AEBP2: variants seen among roughly 807,000 people sequenced by gnomAD.
AEBP2 encodes the protein zinc finger protein AEBP2.
A neutral mutation model predicts 50.8 loss-of-function variants in AEBP2; 10 were observed. The ratio of observed to expected loss-of-function variants is 0.20; its 90% CI spans 0.12 to 0.33. The LOEUF (loss-of-function observed/expected upper bound fraction) is 0.33, where lower values mean the gene tolerates loss of function less well. Among genes scored for constraint, AEBP2 ranks in the 10% least tolerant of loss-of-function variants. The pLI is 1.00. For missense variants in AEBP2, 570 were observed against 688.0 expected (o/e 0.83, Z 1.92); for synonymous variants, 296 against 261.3 (o/e 1.13, Z -1.28).
chr12:19,423,204 A>G (rs956684531), intron 1 of AEBP2, among the ~76,000 whole-genome samples: 41 of 152,086 alleles, frequency 2.7e-4, no homozygotes, highest in African/African-American at 9.4e-4. Flanking sequence ...TAGACACTCA[A>G]TATATGGTGA....
At chr12:19,430,062 C>T (rs1189380689) in intron 1 of AEBP2, among the ~76,000 whole-genome samples, 1 of 152,038 alleles carries the variant, frequency 6.6e-6, no homozygotes, top group East Asian at 1.9e-4. Context: ...ATGCCTATGT[C>T]CTGAATGGTA....
upstream of AEBP2, among the ~76,000 whole-genome samples, chr12:19,436,591 T>TTC (rs1303576396): frequency 6.7e-6 from 1 of 149,770 alleles, no homozygotes; most frequent in Non-Finnish European, 1.5e-5. Context: ...TTTTTTCTTT[T>TTC]TTTTTTGGGG....
chr12:19,499,750 T>C (rs998936575), intron 4 of AEBP2, among the ~76,000 whole-genome samples: 3 of 152,124 alleles, frequency 2.0e-5, no homozygotes, highest in Non-Finnish European at 4.4e-5. Flanking sequence ...AATCCTGATA[T>C]ATAGATGGTG....
intron 2 of AEBP2, among the ~76,000 whole-genome samples, chr12:19,468,621 A>G (rs879133917): frequency 6.6e-6 from 1 of 152,202 alleles, no homozygotes. Context: ...AGCCATTTTA[A>G]GTATAGGCCA....
At chr12:19,493,755 C>A in intron 3 of AEBP2, 45 bp from the exon 4 acceptor site, 1 of 1,571,854 alleles carries the variant, frequency 6.4e-7, no homozygotes, top group South Asian at 1.1e-5. Flanking sequence ...CTTCTCGTGC[C>A]CTACACAGCA....
chr12:19,459,567 A>T (rs77376208), intron 1 of AEBP2, among the ~76,000 whole-genome samples: 3,275 of 152,284 alleles, frequency 0.022, 42 homozygotes, highest in East Asian at 0.043. Context: ...TAAATAAAAT[A>T]TGTATTTCGG....
chr12:19,472,418 A>G (rs891786951), intron 2 of AEBP2, among the ~76,000 whole-genome samples: 4 of 152,266 alleles, frequency 2.6e-5, no homozygotes, highest in Non-Finnish European at 4.4e-5. Flanking sequence ...TCAGTTAGGA[A>G]ATTGACATGT....
intron 3 of AEBP2, among the ~76,000 whole-genome samples, chr12:19,481,892 G>A (rs1948735852): frequency 6.6e-6 from 1 of 152,148 alleles, no homozygotes; most frequent in Non-Finnish European, 1.5e-5. Flanking sequence ...CTGTATTGTT[G>A]TCTTTAATTT....
At position 19,519,951 on chromosome 12, in the gene AEBP2, A is replaced by G. The variant is rs1949374661; in HGVS notation, c.*1834A>G. ...TATAGCAATGTGATTTTATTTTTAA[A>G]AAGAAAAGCAGTGTGTTTTCTTTTT... On this transcript the variant is annotated 3_prime_UTR_variant, in exon 8 of 8. Transcript: ENST00000266508. 1 of 152,528 alleles carries G rather than the reference A, an allele frequency of 6.6e-6. No homozygotes were observed. The highest frequency in any genetic ancestry group is 1.5e-5 in the Non-Finnish European group (1 of 67,964). The allele number at this position is 152,528 out of a possible 1,614,324, so 9.4% of individuals were successfully genotyped here. A position where few individuals can be genotyped will look rare whatever the true frequency, so the allele number is the denominator to read the frequency against.
In AEBP2 at chr12:19,481,092, C is replaced by CTTTTTTTTTTTTTTTTTTTTT. The variant is rs71067027; in HGVS notation, c.987+7743_987+7763dup. Reference sequence around the variant, plus strand: ...TGTTATTGAAACTTTGCAGTGCATCCTTTTTTTTTTTTTTTTTTTTTTTTT... The same window carrying CTTTTTTTTTTTTTTTTTTTTT: ...TGTTATTGAAACTTTGCAGTGCATCCTTTTTTTTTTTTTTTTTTTTTTTTTTTTTTTTTTTTTTTTTTTTTT... On this transcript the variant is annotated intron_variant, in intron 3 of 7. Coordinates refer to ENST00000266508, the MANE Select transcript of AEBP2 (RefSeq NM_153207.5). Among the ~76,000 whole-genome samples, 8 of 74,054 alleles carry CTTTTTTTTTTTTTTTTTTTTT rather than the reference C, an allele frequency of 1.1e-4. 2 individuals are homozygous for CTTTTTTTTTTTTTTTTTTTTT. The highest frequency in any genetic ancestry group is 2.3e-4 in the African/African-American group (4 of 17,580). The allele number at this position is 74,054 out of a possible 152,430, so 48.6% of individuals were successfully genotyped here.
At chr12:19,413,990 T>A (rs1209508179) in intron 1 of AEBP2, among the ~76,000 whole-genome samples, 1 of 151,866 alleles carries the variant, frequency 6.6e-6, no homozygotes. Flanking sequence ...GCTGCCTAGG[T>A]CCAAGCGATT....
Position 19,514,716 on chromosome 12 carries a change from A to G in AEBP2, c.1413A>G (p.Lys471=). 6.2e-7 allele frequency: 1 copy of G among 1,611,670 alleles called. No individual in the cohort carries two copies. Among genetic ancestry groups the G allele is most frequent in the Non-Finnish European group, 8.5e-7 (1 of 1,179,002 alleles). ...WVNESERHQL[K]TKVVHLSKLP... ...ATGAAAGTGAACGACATCAGTTAAAAACTAAAGTAGTTCATTTATCAAAGC... is the reference window on the plus strand; with the variant it reads ...ATGAAAGTGAACGACATCAGTTAAAGACTAAAGTAGTTCATTTATCAAAGC... The change falls in exon 7 of 8, where the codon AAA becomes AAG. Residue 471 remains lysine (K), a synonymous_variant. Coordinates refer to ENST00000266508, the MANE Select transcript of AEBP2 (RefSeq NM_153207.5).
intron 1 of AEBP2, among the ~76,000 whole-genome samples, chr12:19,453,483 G>T (rs1305561551): frequency 6.6e-6 from 1 of 150,524 alleles, no homozygotes; most frequent in African/African-American, 2.4e-5. Flanking sequence ...GCAGTGGCTC[G>T]ATTGAGCTCA....
intron 5 of AEBP2, among the ~76,000 whole-genome samples, chr12:19,505,871 G>T (rs1949149938): frequency 6.6e-6 from 1 of 152,108 alleles, no homozygotes; most frequent in Admixed American, 6.6e-5. Flanking sequence ...AAACTCCTGG[G>T]CTCAAGCAGT....
chr12:19,522,169 T>G lies in AEBP2; in HGVS notation c.*4052T>G, dbSNP rs989160081. ...TATGTATTCATAAAAGGGAAGAAAT[T>G]GTTAGAAAATTTCCTGTGTACGTAG... On this transcript the variant is annotated 3_prime_UTR_variant, in exon 8 of 8. Transcript: ENST00000266508. The G allele has an allele frequency of 5.3e-5, 8 of 152,110 alleles. No homozygotes were observed. Among genetic ancestry groups the G allele is most frequent in the Non-Finnish European group, 7.4e-5 (5 of 68,008 alleles). The allele number at this position is 152,110 out of a possible 1,614,324, so 9.4% of individuals were successfully genotyped here. A position where few individuals can be genotyped will look rare whatever the true frequency, so the allele number is the denominator to read the frequency against.
intron 4 of AEBP2, among the ~76,000 whole-genome samples, chr12:19,499,131 A>G (rs754922026): frequency 2.6e-5 from 4 of 152,256 alleles, no homozygotes; most frequent in East Asian, 1.9e-4. Context: ...AATTGTTACA[A>G]TAATTTACAT....
Position 19,518,789 on chromosome 12 carries a change from G to A in AEBP2, c.*672G>A. 7.3e-7 allele frequency: 1 copy of A among 1,364,314 alleles called. No individual in the cohort carries two copies. Among genetic ancestry groups the A allele is most frequent in the Non-Finnish European group, 9.9e-7 (1 of 1,007,676 alleles). The allele number at this position is 1,364,314 out of a possible 1,614,324, so 84.5% of individuals were successfully genotyped here. On this transcript the variant is annotated 3_prime_UTR_variant, in exon 8 of 8. Coordinates refer to ENST00000266508, the MANE Select transcript of AEBP2 (RefSeq NM_153207.5). ...CTGAAAATTACTGTTAAAGAGTGTTGCAGTATGTCTGGTGGCTCCCTTTTC... is the reference window on the plus strand; with the variant it reads ...CTGAAAATTACTGTTAAAGAGTGTTACAGTATGTCTGGTGGCTCCCTTTTC...
At position 19,519,530 on chromosome 12, in the gene AEBP2, A is replaced by G. The variant is rs1949369752; in HGVS notation, c.*1413A>G. On this transcript the variant is annotated 3_prime_UTR_variant, in exon 8 of 8. Transcript: ENST00000266508. ...TCTGACAGTGATCAAGAAATCAGTT[A>G]TTTCCTTACTGTTGGAAGGACATTG... 6.6e-6 allele frequency: 1 copy of G among 152,588 alleles called. No individual in the cohort carries two copies. Among genetic ancestry groups the G allele is most frequent in the Non-Finnish European group, 1.5e-5 (1 of 67,986 alleles). The allele number at this position is 152,588 out of a possible 1,614,324, so 9.5% of individuals were successfully genotyped here.
rs1949381040 is a variant in AEBP2 at position 19,520,443 on chromosome 12, C to A, written c.*2326C>A. 1 of 152,122 alleles carries A rather than the reference C, an allele frequency of 6.6e-6. No homozygotes were observed. 9.4% of individuals were successfully genotyped at this position (152,122 alleles called of 1,614,324 possible). On this transcript the variant is annotated 3_prime_UTR_variant, in exon 8 of 8. Coordinates refer to ENST00000266508, the MANE Select transcript of AEBP2 (RefSeq NM_153207.5). ...TGATGTTGGTTTGATACTGTTAACA[C>A]ACCAAAAAGAATATGGAATTGAAAT...
Sources: allele counts gnomAD v4.1 joint callset (sites outside exome capture counted in the v4.1 genomes callset), GRCh38; gene constraint gnomAD v4.1.1; transcripts MANE v1.5; gene names NCBI Gene and HGNC (gene_info 2026-07-23, HGNC 2026-07-21).